The following ANK3 variants were observed in gnomAD, a reference collection of about 807,000 sequenced individuals.
ANK3 encodes the protein ankyrin-3.
In ANK3, 57 loss-of-function variants were observed where a neutral mutation model predicts 370.9. The ratio of observed to expected loss-of-function variants is 0.15; its 90% CI spans 0.12 to 0.19. The LOEUF (loss-of-function observed/expected upper bound fraction) is 0.19. Ranked by LOEUF, ANK3 falls within the 10% of genes least tolerant of loss-of-function variation. ANK3 has a pLI of 1.00. For synonymous variants in ANK3, 1,929 were observed against 1,946.3 expected, an observed-to-expected ratio of 0.99 and a Z score of 0.23; for missense variants, 4,439 against 5,302.1, an observed-to-expected ratio of 0.84 and a Z score of 5.06.
chr10:60,521,190 C>G (rs992292868), intron 2 of ANK3, among the ~76,000 whole-genome samples: 2 of 152,084 alleles, frequency 1.3e-5, no homozygotes, highest in Middle Eastern at 6.8e-3. Flanking sequence ...TGTAGAACAT[C>G]TATATGTTAC....
At chr10:60,316,313 CACAA>C (rs1281256531) in intron 1 of ANK3, among the ~76,000 whole-genome samples, 1 of 152,084 alleles carries the variant, frequency 6.6e-6, no homozygotes, top group South Asian at 2.1e-4. Flanking sequence ...GATGTCCTCA[CACAA>C]ACAAAAAAGC....
chr10:60,628,121 T>C (rs1328235127), intron 1 of ANK3, among the ~76,000 whole-genome samples: 2 of 152,232 alleles, frequency 1.3e-5, no homozygotes, highest in Non-Finnish European at 2.9e-5. Flanking sequence ...TTTCATTTTA[T>C]ACTTTTCCTA....
At chr10:60,246,450 T>C (rs2097557522) in intron 7 of ANK3, among the ~76,000 whole-genome samples, 1 of 152,122 alleles carries the variant, frequency 6.6e-6, no homozygotes, top group Non-Finnish European at 1.5e-5. Flanking sequence ...GCTTTCTGGA[T>C]AAGGAGATTA....
chr10:60,515,806 C>T (rs10821782), intron 2 of ANK3, among the ~76,000 whole-genome samples: 35,963 of 151,998 alleles, frequency 0.24, 4,639 homozygotes, highest in East Asian at 0.47. Context: ...AACAAACTGA[C>T]AAACATTAAA....
intron 1 of ANK3, among the ~76,000 whole-genome samples, chr10:60,648,786 T>A (rs1252947009): frequency 1.2e-4 from 7 of 60,738 alleles, no homozygotes; most frequent in African/African-American, 2.7e-4. Flanking sequence ...AAAAAAAAAA[T>A]TCTTGCTGGG....
At chr10:60,510,813 C>T (rs530761639) in intron 2 of ANK3, among the ~76,000 whole-genome samples, 4 of 152,024 alleles carry the variant, frequency 2.6e-5, no homozygotes, top group Non-Finnish European at 5.9e-5. Context: ...GAGAAAGACT[C>T]TGTCTTGAAA....
At chr10:60,232,529 G>GAGAAT (rs2097261708) in intron 8 of ANK3, among the ~76,000 whole-genome samples, 1 of 152,078 alleles carries the variant, frequency 6.6e-6, no homozygotes, top group Non-Finnish European at 1.5e-5. Flanking sequence ...CTTCTTACTG[G>GAGAAT]AATGATGCAA....
intron 42 of ANK3, 95 bp from the exon 43 acceptor site, chr10:60,042,854 C>T (rs768512045): frequency 1.0e-5 from 16 of 1,566,718 alleles, no homozygotes; most frequent in East Asian, 2.3e-5. Flanking sequence ...TTAGGACAAG[C>T]GAAACAGTTT....
chr10:60,612,420 G>T (rs2078212941), intron 2 of ANK3, among the ~76,000 whole-genome samples: 1 of 152,132 alleles, frequency 6.6e-6, no homozygotes, highest in African/African-American at 2.4e-5. Flanking sequence ...TTAAGTTGGG[G>T]ATAAAAGGTA....
chr10:60,163,669 C>T lies in ANK3; in HGVS notation c.2614+2922G>A, dbSNP rs561766687. On this transcript the variant is annotated intron_variant, in intron 23 of 43. Coordinates refer to ENST00000280772, the MANE Select transcript of ANK3 (RefSeq NM_020987.5). ...GAGAGACTACTCTTGACATTTCTTCCTTAATATTTATTTTACTTTTGCTTT... is the reference window on the plus strand; with the variant it reads ...GAGAGACTACTCTTGACATTTCTTCTTTAATATTTATTTTACTTTTGCTTT... Among the ~76,000 whole-genome samples, 23 of 152,056 alleles carry T rather than the reference C, an allele frequency of 1.5e-4. No individual in the cohort carries two copies. In the East Asian group the frequency reaches 4.4e-3, roughly 29 times the overall value.
chr10:60,674,034 A>G (rs1318509729), intron 1 of ANK3, among the ~76,000 whole-genome samples: 1 of 152,118 alleles, frequency 6.6e-6, no homozygotes, highest in African/African-American at 2.4e-5. Flanking sequence ...TGGAGCCATA[A>G]ATGTTTAGTA....
intron 2 of ANK3, among the ~76,000 whole-genome samples, chr10:60,456,932 C>G (rs983445874): frequency 6.6e-6 from 1 of 152,112 alleles, no homozygotes; most frequent in Non-Finnish European, 1.5e-5. Context: ...CTCCCTTGAG[C>G]CTGGGCCATG....
chr10:60,474,881 G>T (rs1353098660), intron 2 of ANK3, among the ~76,000 whole-genome samples: 1 of 152,044 alleles, frequency 6.6e-6, no homozygotes, highest in Non-Finnish European at 1.5e-5. Flanking sequence ...GGGAATGTAG[G>T]AGATTTTTAT....
chr10:60,568,813 G>C (rs2077522398), intron 2 of ANK3, among the ~76,000 whole-genome samples: 1 of 152,172 alleles, frequency 6.6e-6, no homozygotes, highest in East Asian at 1.9e-4. Flanking sequence ...AAGGTAATAA[G>C]GATGAGGTCC....
chr10:60,379,652 A>T (rs1268488285), intron 1 of ANK3, among the ~76,000 whole-genome samples: 1 of 152,090 alleles, frequency 6.6e-6, no homozygotes, highest in African/African-American at 2.4e-5. Context: ...ATTCATACGC[A>T]GACACTAAAA....
intron 2 of ANK3, among the ~76,000 whole-genome samples, chr10:60,524,403 GT>G (rs1236327560): frequency 6.6e-6 from 1 of 152,124 alleles, no homozygotes; most frequent in African/African-American, 2.4e-5. Context: ...AGTCCCACAA[GT>G]TGTGGGAGGG....
chr10:60,549,871 G>C lies in ANK3; in HGVS notation c.96+65315C>G, dbSNP rs1026712585. Among the ~76,000 whole-genome samples, 26 of 152,130 alleles carry C rather than the reference G, an allele frequency of 1.7e-4. 1 individual carries two copies. Reference sequence around the variant, plus strand: ...CATGATGGACTATTGATTGAAAGTTGTGAATTCTTTATAGAGTCACTAGGT... The same window carrying C: ...CATGATGGACTATTGATTGAAAGTTCTGAATTCTTTATAGAGTCACTAGGT... On this transcript the variant is annotated intron_variant, in intron 2 of 43. Coordinates refer to the ANK3 transcript ENST00000373827.
chr10:60,026,804 A>G lies in ANK3; in HGVS notation c.*3042T>C, dbSNP rs1157694578. On this transcript the variant is annotated 3_prime_UTR_variant, in exon 44 of 44. Transcript: ENST00000280772. Reference sequence around the variant, plus strand: ...GTGATAGCACATTTTAATTTAACAAATTCAATAATTTAGTAAGAATATAAA... The same window carrying G: ...GTGATAGCACATTTTAATTTAACAAGTTCAATAATTTAGTAAGAATATAAA... 1 of 152,238 alleles carries G rather than the reference A, an allele frequency of 6.6e-6. No individual in the cohort carries two copies. Among genetic ancestry groups the G allele is most frequent in the Non-Finnish European group, 1.5e-5 (1 of 68,038 alleles). The allele number at this position is 152,238 out of a possible 1,614,324, so 9.4% of individuals were successfully genotyped here.
At chr10:60,236,778 G>A (rs1207046636) in intron 7 of ANK3, among the ~76,000 whole-genome samples, 1 of 152,212 alleles carries the variant, frequency 6.6e-6, no homozygotes, top group Non-Finnish European at 1.5e-5. Context: ...CTGGTGGAAA[G>A]TAAACAGACC....
Sources: gnomAD v4.1 joint callset for allele counts (sites outside exome capture counted in the v4.1 genomes callset) on GRCh38, gnomAD v4.1.1 for gene constraint, MANE v1.5 for transcripts, NCBI Gene and HGNC (gene_info 2026-07-23, HGNC 2026-07-21) for gene names.